The following CDKAL1 variants were observed in gnomAD, a reference collection of about 807,000 sequenced individuals.
The protein encoded by CDKAL1 is threonylcarbamoyladenosine tRNA methylthiotransferase.
A neutral mutation model predicts 68.2 loss-of-function variants in CDKAL1; 32 were observed. The observed-to-expected ratio is 0.47, with a 90% confidence interval of 0.35 to 0.63. The LOEUF (loss-of-function observed/expected upper bound fraction) is 0.63, where lower values mean the gene tolerates loss of function less well. Among genes scored for constraint, CDKAL1 ranks in the 30% least tolerant of loss-of-function variants. CDKAL1 has a pLI of 0.00. For synonymous variants in CDKAL1, 234 were observed against 244.3 expected, an observed-to-expected ratio of 0.96 and a Z score of 0.39; for missense variants, 606 against 696.7, an observed-to-expected ratio of 0.87 and a Z score of 1.47.
intron 5 of CDKAL1, among the ~76,000 whole-genome samples, chr6:20,674,435 GT>G (rs1481345579): frequency 1.3e-5 from 2 of 152,036 alleles, no homozygotes; most frequent in Admixed American, 6.5e-5. Flanking sequence ...TTTTTTTAGA[GT>G]TTTTTCTTTT....
chr6:20,870,470 G>A (rs1760152217), intron 9 of CDKAL1, among the ~76,000 whole-genome samples: 1 of 152,154 alleles, frequency 6.6e-6, no homozygotes, highest in African/African-American at 2.4e-5. Flanking sequence ...CTCCTTTTAA[G>A]TTACATCTTG....
At chr6:20,687,012 G>A (rs987926809) in intron 5 of CDKAL1, among the ~76,000 whole-genome samples, 2 of 152,138 alleles carry the variant, frequency 1.3e-5, no homozygotes, top group Admixed American at 1.3e-4. Context: ...ATTTTCAAAT[G>A]TTGAACCAGC....
At chr6:20,550,357 A>T (rs1228523741) in intron 4 of CDKAL1, among the ~76,000 whole-genome samples, 1 of 152,120 alleles carries the variant, frequency 6.6e-6, no homozygotes, top group Non-Finnish European at 1.5e-5. Context: ...ATCATTATGT[A>T]TTATGCTGCT....
At chr6:20,649,145 T>C (rs1178299704) in intron 4 of CDKAL1, 148 bp from the exon 5 acceptor site, 2 of 610,844 alleles carry the variant, frequency 3.3e-6, no homozygotes, top group Non-Finnish European at 5.8e-6. Flanking sequence ...ATTTCCATGT[T>C]CTAGCAATTT....
At chr6:20,869,330 G>A (rs1760072630) in intron 9 of CDKAL1, among the ~76,000 whole-genome samples, 1 of 152,126 alleles carries the variant, frequency 6.6e-6, no homozygotes, top group South Asian at 2.1e-4. Flanking sequence ...TAGAGTATTT[G>A]TTTGATTTAA....
chr6:21,175,982 T>C (rs770917903), intron 13 of CDKAL1, among the ~76,000 whole-genome samples: 5 of 152,274 alleles, frequency 3.3e-5, no homozygotes, highest in African/African-American at 4.8e-5. Flanking sequence ...GAACATGGGC[T>C]GTGCCCGTCA....
chr6:20,774,574 C>T (rs898372906), intron 7 of CDKAL1, among the ~76,000 whole-genome samples: 2 of 152,158 alleles, frequency 1.3e-5, no homozygotes, highest in African/African-American at 4.8e-5. Flanking sequence ...ATTTAGAAAA[C>T]ATTTTTGTTC....
At chr6:21,004,510 A>T (rs953563906) in intron 11 of CDKAL1, among the ~76,000 whole-genome samples, 1 of 152,260 alleles carries the variant, frequency 6.6e-6, no homozygotes, top group African/African-American at 2.4e-5. Context: ...GACTTAAATT[A>T]TTCTATTCAG....
chr6:21,128,854 G>A (rs570892005), intron 13 of CDKAL1, among the ~76,000 whole-genome samples: 1 of 152,136 alleles, frequency 6.6e-6, no homozygotes, highest in African/African-American at 2.4e-5. Flanking sequence ...TTCTGTTAAG[G>A]GGTGTTGAAC....
At chr6:20,711,256 A>G (rs774019071) in intron 5 of CDKAL1, among the ~76,000 whole-genome samples, 9 of 152,240 alleles carry the variant, frequency 5.9e-5, no homozygotes, top group Non-Finnish European at 1.2e-4. Context: ...ATTATTTTGT[A>G]GGTATAAACA....
At chr6:21,083,880 A>C (rs959846225) in intron 12 of CDKAL1, among the ~76,000 whole-genome samples, 12 of 152,190 alleles carry the variant, frequency 7.9e-5, no homozygotes, top group Admixed American at 5.2e-4. Flanking sequence ...TTCAGGTTAT[A>C]TGCTTTGCCC....
chr6:21,195,354 G>T (rs1173081115), intron 13 of CDKAL1, among the ~76,000 whole-genome samples: 1 of 152,002 alleles, frequency 6.6e-6, no homozygotes, highest in Non-Finnish European at 1.5e-5. Context: ...GTAGAAACAG[G>T]GTTTCACCAC....
chr6:21,055,301 A>G (rs1770765912), intron 11 of CDKAL1, among the ~76,000 whole-genome samples: 1 of 151,936 alleles, frequency 6.6e-6, no homozygotes, highest in Admixed American at 6.6e-5. Flanking sequence ...TGTTTATGAG[A>G]GATATTGGTC....
intron 9 of CDKAL1, among the ~76,000 whole-genome samples, chr6:20,932,818 A>G (rs1763527270): frequency 6.6e-6 from 1 of 152,204 alleles, no homozygotes; most frequent in South Asian, 2.1e-4. Context: ...GAAATCATAT[A>G]AGCCTCATAG....
chr6:20,917,099 G>A (rs755789182), intron 9 of CDKAL1, among the ~76,000 whole-genome samples: 14 of 152,156 alleles, frequency 9.2e-5, no homozygotes, highest in Non-Finnish European at 2.1e-4. Context: ...TCCTGTCTCA[G>A]CCTCCCAAGT....
chr6:20,541,286 C>T (rs1421804495), intron 2 of CDKAL1, among the ~76,000 whole-genome samples: 2 of 152,172 alleles, frequency 1.3e-5, no homozygotes, highest in African/African-American at 4.8e-5. Flanking sequence ...AAGCCACAGG[C>T]TCGCATGACT....
chr6:21,069,770 CTTTCTTTTTTTTTTTTTTT>C lies in CDKAL1; in HGVS notation c.1236+4546_1236+4564del, dbSNP rs1158870271. 2.6e-4 allele frequency among the ~76,000 whole-genome samples: 11 copies of C among 42,282 alleles called. No homozygotes were observed. In the East Asian group the frequency reaches 0.011, roughly 43 times the overall value. The allele number at this position is 42,282 out of a possible 152,430, so 27.7% of individuals were successfully genotyped here. A position where few individuals can be genotyped will look rare whatever the true frequency, so the allele number is the denominator to read the frequency against. ...TGCCCAATAAAATCCCCCAGATTTT[CTTTCTTTTTTTTTTTTTTT>C]TTTTTTTTTTTTTTTAAAACAGAGC... is the stretch of plus-strand genomic sequence containing the variant. On this transcript the variant is annotated intron_variant, in intron 12 of 15. Transcript: ENST00000274695.
At chr6:20,658,775 T>C (rs1197944788) in intron 5 of CDKAL1, among the ~76,000 whole-genome samples, 3 of 152,226 alleles carry the variant, frequency 2.0e-5, no homozygotes, top group African/African-American at 7.2e-5. Context: ...GTTAACCACA[T>C]TCACTAGTAA....
At chr6:20,623,870 A>G (rs969826786) in intron 4 of CDKAL1, among the ~76,000 whole-genome samples, 1 of 152,098 alleles carries the variant, frequency 6.6e-6, no homozygotes, top group Non-Finnish European at 1.5e-5. Context: ...CAGGTTCTTC[A>G]TCTGTAAAGT....
Sources: gnomAD v4.1 joint callset for allele counts (sites outside exome capture counted in the v4.1 genomes callset) on GRCh38, gnomAD v4.1.1 for gene constraint, MANE v1.5 for transcripts, NCBI Gene and HGNC (gene_info 2026-07-23, HGNC 2026-07-21) for gene names.